Variants in ADCY2 observed in about 807,000 individuals in gnomAD.
The protein encoded by ADCY2 is adenylate cyclase 2, also known as adenylate cyclase type 2.
In ADCY2, 31 loss-of-function variants were observed where a neutral mutation model predicts 125.2. That is an observed-to-expected ratio of 0.25 (90% CI 0.19 to 0.33). The LOEUF is 0.33. ADCY2 is among the 10% of genes least tolerant of loss of function. The pLI, the probability that ADCY2 is intolerant of heterozygous loss-of-function variation, is 1.00. For synonymous variants in ADCY2, 512 were observed against 548.4 expected (o/e 0.93, Z 0.93); for missense variants, 904 against 1,418.2 (o/e 0.64, Z 5.82).
chr5:7,590,747 C>T (rs1156891335), intron 3 of ADCY2, among the ~76,000 whole-genome samples: 1 of 152,004 alleles, frequency 6.6e-6, no homozygotes, highest in Non-Finnish European at 1.5e-5. Context: ...AAAGTCAGCC[C>T]ACAGGAATCC....
chr5:7,426,769 G>A (rs993068386), intron 2 of ADCY2, among the ~76,000 whole-genome samples: 2 of 152,122 alleles, frequency 1.3e-5, no homozygotes, highest in Admixed American at 6.5e-5. Context: ...ATCTAGAGCT[G>A]CCAGCACTGG....
At chr5:7,540,837 T>G (rs1201378102) in intron 3 of ADCY2, among the ~76,000 whole-genome samples, 1 of 152,188 alleles carries the variant, frequency 6.6e-6, no homozygotes, top group Non-Finnish European at 1.5e-5. Flanking sequence ...CATTTGAATT[T>G]GGTCCGGATT....
chr5:7,655,828 A>T (rs942719646), intron 4 of ADCY2, among the ~76,000 whole-genome samples: 1 of 152,110 alleles, frequency 6.6e-6, no homozygotes, highest in African/African-American at 2.4e-5. Context: ...GGGGAAGCAA[A>T]ACAAAGCCCT....
intron 2 of ADCY2, among the ~76,000 whole-genome samples, chr5:7,494,619 G>C (rs1385486868): frequency 1.3e-5 from 2 of 152,218 alleles, no homozygotes; most frequent in South Asian, 2.1e-4. Context: ...GGCAGATGGT[G>C]GGGGCTCAAG....
chr5:7,741,065 G>A (rs993825294), intron 14 of ADCY2, among the ~76,000 whole-genome samples: 2 of 151,856 alleles, frequency 1.3e-5, no homozygotes, highest in African/African-American at 4.8e-5. Flanking sequence ...ATAGCATTAA[G>A]CATAAGAAAT....
chr5:7,729,681 GTTTATTC>G (rs1742039315), intron 14 of ADCY2, among the ~76,000 whole-genome samples: 1 of 149,188 alleles, frequency 6.7e-6, no homozygotes, highest in Non-Finnish European at 1.5e-5. Flanking sequence ...AGAGCAGCCT[GTTTATTC>G]TTTTATTTCT....
intron 4 of ADCY2, among the ~76,000 whole-genome samples, chr5:7,660,239 A>AGAAAGAAGGAAG (rs1739476732): frequency 2.0e-5 from 2 of 101,268 alleles, no homozygotes; most frequent in Non-Finnish European, 1.9e-5. Context: ...AGGGAGGGAG[A>AGAAAGAAGGAAG]GAAGGAAGGA....
intron 2 of ADCY2, among the ~76,000 whole-genome samples, chr5:7,497,047 TA>T (rs1743368845): frequency 6.6e-6 from 1 of 152,162 alleles, no homozygotes; most frequent in South Asian, 2.1e-4. Flanking sequence ...TATCAAACTT[TA>T]AGGAATGCCA....
intron 3 of ADCY2, among the ~76,000 whole-genome samples, chr5:7,526,880 G>C (rs1328842301): frequency 6.6e-6 from 1 of 152,178 alleles, no homozygotes; most frequent in Non-Finnish European, 1.5e-5. Flanking sequence ...AAAACTTAAA[G>C]AGAAGCAGTT....
intron 3 of ADCY2, among the ~76,000 whole-genome samples, chr5:7,563,102 T>G (rs1395856051): frequency 6.6e-6 from 1 of 152,216 alleles, no homozygotes; most frequent in African/African-American, 2.4e-5. Context: ...TGGGATCTAC[T>G]TATGAAAGAG....
chr5:7,557,648 G>T (rs2126583230), intron 3 of ADCY2, among the ~76,000 whole-genome samples: 1 of 152,214 alleles, frequency 6.6e-6, no homozygotes, highest in South Asian at 2.1e-4. Flanking sequence ...GTGTTAGTTT[G>T]CTAAGGATAA....
intron 4 of ADCY2, among the ~76,000 whole-genome samples, chr5:7,661,193 A>G (rs1739516245): frequency 6.6e-6 from 1 of 152,180 alleles, no homozygotes; most frequent in Non-Finnish European, 1.5e-5. Context: ...GTCATTATAT[A>G]TATTTGCTTA....
intron 10 of ADCY2, among the ~76,000 whole-genome samples, chr5:7,710,337 G>T (rs910911080): frequency 1.3e-5 from 2 of 152,166 alleles, no homozygotes; most frequent in African/African-American, 2.4e-5. Flanking sequence ...CAGACAATCC[G>T]TAAGATTGCA....
rs113187403 is a variant in ADCY2 at position 7,784,639 on chromosome 5, T to G, written c.2469+190T>G. Among the ~76,000 whole-genome samples, 1,395 of 152,254 alleles carry G rather than the reference T, an allele frequency of 9.2e-3. 19 individuals carry two copies. The highest frequency in any genetic ancestry group is 0.032 in the African/African-American group (1,338 of 41,530). On this transcript the variant is annotated intron_variant, in intron 19 of 24. Coordinates refer to ENST00000338316, the MANE Select transcript of ADCY2 (RefSeq NM_020546.3). The stretch of plus-strand genomic sequence containing the variant: ...GATATAGACAAAAGGAAAAATATCT[T>G]TCGTATTTTCCACAAAAGGCAAATG...
chr5:7,625,009 T>G (rs1738075648), intron 3 of ADCY2, among the ~76,000 whole-genome samples: 1 of 152,250 alleles, frequency 6.6e-6, no homozygotes, highest in Non-Finnish European at 1.5e-5. Flanking sequence ...TGTCATACAC[T>G]GTTGATGATA....
At chr5:7,481,544 G>A (rs760177790) in intron 2 of ADCY2, among the ~76,000 whole-genome samples, 5 of 152,120 alleles carry the variant, frequency 3.3e-5, no homozygotes, top group Non-Finnish European at 7.3e-5. Flanking sequence ...TGGGATTACA[G>A]GCGTGAGCCA....
At chr5:7,529,029 A>G (rs1225698384) in intron 3 of ADCY2, among the ~76,000 whole-genome samples, 4 of 152,242 alleles carry the variant, frequency 2.6e-5, no homozygotes, top group Non-Finnish European at 5.9e-5. Flanking sequence ...AGAGAATCAT[A>G]TATCTGTAGC....
At chr5:7,603,314 T>A (rs1737277103) in intron 3 of ADCY2, among the ~76,000 whole-genome samples, 1 of 152,116 alleles carries the variant, frequency 6.6e-6, no homozygotes, top group Non-Finnish European at 1.5e-5. Context: ...TGATCAGCAG[T>A]GTTTCCCGAC....
At chr5:7,409,395 A>G (rs945091771) in intron 1 of ADCY2, among the ~76,000 whole-genome samples, 1 of 152,238 alleles carries the variant, frequency 6.6e-6, no homozygotes, top group Non-Finnish European at 1.5e-5. Context: ...TTAAAAATAA[A>G]ATAAAATAAA....
Sources: gnomAD v4.1 joint callset for allele counts (sites outside exome capture counted in the v4.1 genomes callset) on GRCh38, gnomAD v4.1.1 for gene constraint, MANE v1.5 for transcripts, NCBI Gene and HGNC (gene_info 2026-07-23, HGNC 2026-07-21) for gene names.